PALD1: variants seen among roughly 807,000 people sequenced by gnomAD.
PALD1 encodes the protein phosphatase domain containing paladin 1.
In PALD1, 57 loss-of-function variants were observed where a neutral mutation model predicts 96.0. The ratio of observed to expected loss-of-function variants is 0.59; its 90% confidence interval spans 0.48 to 0.74. PALD1 has a LOEUF of 0.74. Among genes scored for constraint, PALD1 ranks in the 30% least tolerant of loss-of-function variants. The pLI is 0.00. For missense variants in PALD1, 1,063 were observed against 1,143.7 expected (o/e 0.93, Z 1.02); for synonymous variants, 464 against 473.6 (o/e 0.98, Z 0.26).
Position 70,521,491 on chromosome 10 carries a change from G to A in PALD1, c.-29-4432G>A, listed in dbSNP as rs147093015. 2.5e-3 allele frequency among the ~76,000 whole-genome samples: 381 copies of A among 152,266 alleles called. 3 individuals carry two copies. Among genetic ancestry groups the A allele is most frequent in the Non-Finnish European group, 1.2e-3 (80 of 68,024 alleles). On this transcript the variant is annotated intron_variant, in intron 1 of 19. Coordinates refer to ENST00000263563, the MANE Select transcript of PALD1 (RefSeq NM_014431.3). ...GCAGAGAAGATGGAAGAGGGCCTGT[G>A]TTTGTGGGTGGGGAATGTTCTTCCC...
chr10:70,505,497 G>A (rs1846368295), intron 1 of PALD1, among the ~76,000 whole-genome samples: 2 of 151,952 alleles, frequency 1.3e-5, no homozygotes, highest in Admixed American at 1.3e-4. Flanking sequence ...TCACCTACTC[G>A]GAAGGCTGAG....
intron 17 of PALD1, 40 bp downstream of exon 17, chr10:70,541,574 G>GGGA (rs773737317): frequency 4.7e-6 from 7 of 1,483,288 alleles, no homozygotes; most frequent in African/African-American, 4.2e-5. Context: ...ACCTTGGGAT[G>GGGA]GGAGGAGGAG....
intron 1 of PALD1, among the ~76,000 whole-genome samples, chr10:70,486,760 C>CA (rs1011584202): frequency 4.6e-5 from 7 of 151,718 alleles, no homozygotes; most frequent in African/African-American, 9.7e-5. Flanking sequence ...GATTCTGTCT[C>CA]AAAAAACAAA....
chr10:70,501,911 T>C (rs2132295000), intron 1 of PALD1, among the ~76,000 whole-genome samples: 1 of 152,090 alleles, frequency 6.6e-6, no homozygotes, highest in Middle Eastern at 3.4e-3. Context: ...AACAAAACTC[T>C]AAAATCCTGT....
intron 17 of PALD1, 59 bp from the exon 18 acceptor site, chr10:70,547,247 G>A (rs1034639204): frequency 6.5e-7 from 1 of 1,547,654 alleles, no homozygotes; most frequent in Non-Finnish European, 8.9e-7. Context: ...CAAGCCTGGT[G>A]CTTGGGCTGA....
the PALD1 span, among the ~76,000 whole-genome samples, chr10:70,463,049 A>T: frequency 6.6e-6 from 1 of 152,190 alleles, no homozygotes; most frequent in Admixed American, 6.5e-5. Context: ...GAACTCCTGG[A>T]GAGTTCAGAT....
At position 70,566,756 on chromosome 10, in the gene PALD1, C is replaced by CA; in HGVS notation, c.*24dup. The CA allele has an allele frequency of 6.6e-7, 1 of 1,525,554 alleles. No homozygotes were observed. The highest frequency in any genetic ancestry group is 8.9e-7 in the Non-Finnish European group (1 of 1,122,674). 94.5% of individuals were successfully genotyped at this position (1,525,554 alleles called of 1,614,324 possible). ...TAGGGGGCCTTACTCCCTGTCCCCC[C>CA]ACCCACAGGGCCCCACGCAGGCCTG... On this transcript the variant is annotated 3_prime_UTR_variant, in exon 20 of 20. Coordinates refer to ENST00000263563, the MANE Select transcript of PALD1 (RefSeq NM_014431.3).
the PALD1 span, among the ~76,000 whole-genome samples, chr10:70,459,498 C>A: frequency 7.1e-6 from 1 of 140,464 alleles, no homozygotes; most frequent in Non-Finnish European, 1.6e-5. Flanking sequence ...GGCACTGCCT[C>A]GGATGGGTGG....
Position 70,534,429 on chromosome 10 carries a change from GC to G in PALD1, c.1032del (p.Thr345ArgfsTer13). 6.2e-7 allele frequency: 1 copy of G among 1,607,108 alleles called. No homozygotes were observed. Among genetic ancestry groups the G allele is most frequent in the South Asian group, 1.1e-5 (1 of 89,736 alleles). On this transcript the variant is annotated frameshift_variant, in exon 9 of 20. Coordinates refer to ENST00000263563, the MANE Select transcript of PALD1 (RefSeq NM_014431.3). LOFTEE classifies it high-confidence loss of function. ...GTACTGACCCTGCCTCGACAGGGCT[GC>G]CCCCACGCAGGCCAAGCCCCTGCCT... Reference protein sequence around the residue: ...RSGTTSQPEAAPTQAKPLPME... With the variant: ...RSGTTSQPEAXPTQAKPLPME...
At chr10:70,461,264 C>T in the PALD1 span, among the ~76,000 whole-genome samples, 8 of 152,222 alleles carry the variant, frequency 5.3e-5, no homozygotes, top group Non-Finnish European at 8.8e-5. Flanking sequence ...AATTAGCCTT[C>T]AAGTCTTAGC....
chr10:70,534,273 A>G, intron 8 of PALD1, 152 bp from the exon 9 acceptor site: 1 of 747,720 alleles, frequency 1.3e-6, no homozygotes, highest in Non-Finnish European at 2.2e-6. Flanking sequence ...CAGTTTCCCT[A>G]GTTGGGGAAA....
intron 1 of PALD1, among the ~76,000 whole-genome samples, chr10:70,515,400 C>T (rs1172533315): frequency 3.9e-5 from 6 of 152,198 alleles, no homozygotes; most frequent in Admixed American, 1.3e-4. Flanking sequence ...ATGTGATGAT[C>T]GTGGTTGTTA....
chr10:70,528,782 C>T (rs538365161), intron 2 of PALD1, among the ~76,000 whole-genome samples: 1 of 152,334 alleles, frequency 6.6e-6, no homozygotes, highest in Middle Eastern at 3.4e-3. Flanking sequence ...CCCCTTCTCC[C>T]TCATTGCTCC....
At chr10:70,557,505 C>T (rs1847634888) in intron 18 of PALD1, among the ~76,000 whole-genome samples, 1 of 152,220 alleles carries the variant, frequency 6.6e-6, no homozygotes, top group Admixed American at 6.5e-5. Flanking sequence ...AATTACTTAA[C>T]AAAATATGAT....
rs143774127 is a variant in PALD1 at position 70,503,803 on chromosome 10, A to G, written c.-29-22120A>G. 4.6e-5 allele frequency among the ~76,000 whole-genome samples: 7 copies of G among 152,318 alleles called. No individual in the cohort carries two copies. In the East Asian group the frequency reaches 9.6e-4, roughly 21 times the overall value. On this transcript the variant is annotated intron_variant, in intron 1 of 19. Coordinates refer to ENST00000263563, the MANE Select transcript of PALD1 (RefSeq NM_014431.3). ...TTTAACTTTTATGTGTTCTGCCTCC[A>G]GAATTTTGTGTAGAAAGTTCTTTTC...
intron 1 of PALD1, among the ~76,000 whole-genome samples, chr10:70,506,262 C>T (rs141839550): frequency 6.6e-5 from 10 of 152,302 alleles, no homozygotes; most frequent in South Asian, 2.1e-4. Flanking sequence ...ACAGTGAGAC[C>T]GGCCCATTTT....
chr10:70,461,824 G>A, the PALD1 span, among the ~76,000 whole-genome samples: 4 of 152,040 alleles, frequency 2.6e-5, no homozygotes, highest in African/African-American at 4.8e-5. Context: ...GCAGGGTCTC[G>A]CTCTGTCACC....
chr10:70,534,571 C>T (rs760838946), intron 9 of PALD1, 47 bp downstream of exon 9: 22 of 1,377,618 alleles, frequency 1.6e-5, no homozygotes, highest in East Asian at 9.4e-5. Context: ...GTGGAGGGGA[C>T]GGTCACTCCT....
Position 70,478,976 on chromosome 10 carries a change from C to G in PALD1, c.-113C>G, listed in dbSNP as rs898164115. ...AGAGCGCGCGCCGGGCGCGCCCCGT[C>G]GCTGCCTGACTCGGCGCCCGCAGTT... is the stretch of plus-strand genomic sequence containing the variant. On this transcript the variant is annotated 5_prime_UTR_variant, in exon 1 of 20. Coordinates refer to ENST00000263563, the MANE Select transcript of PALD1 (RefSeq NM_014431.3). The G allele has an allele frequency of 1.3e-5, 2 of 152,118 alleles. No homozygotes were observed. The highest frequency in any genetic ancestry group is 2.9e-5 in the Non-Finnish European group (2 of 68,018). 9.4% of individuals were successfully genotyped at this position (152,118 alleles called of 1,614,324 possible).
Sources: allele counts gnomAD v4.1 joint callset (sites outside exome capture counted in the v4.1 genomes callset), GRCh38; gene constraint gnomAD v4.1.1; transcripts MANE v1.5; gene names NCBI Gene and HGNC (gene_info 2026-07-23, HGNC 2026-07-21).